The following TRAPPC9 variants were observed in gnomAD, a reference collection of about 807,000 sequenced individuals.
TRAPPC9 encodes the protein trafficking protein particle complex subunit 9.
TRAPPC9 carries 83 observed loss-of-function variants against 124.0 expected under a neutral mutation model. That is an observed-to-expected ratio of 0.67 (90% CI 0.56 to 0.80). TRAPPC9 has a LOEUF of 0.80. Among genes scored for constraint, TRAPPC9 ranks in the 30% least tolerant of loss-of-function variants. TRAPPC9 has a pLI of 0.00. For synonymous variants in TRAPPC9, 638 were observed against 617.5 expected (o/e 1.03, Z -0.49); for missense variants, 1,302 against 1,508.3 (o/e 0.86, Z 2.27).
At chr8:140,198,979 A>C (rs758682597) in intron 17 of TRAPPC9, among the ~76,000 whole-genome samples, 1 of 152,234 alleles carries the variant, frequency 6.6e-6, no homozygotes, top group Non-Finnish European at 1.5e-5. Context: ...CCAGCACAGC[A>C]GGCTGAACGC....
chr8:139,819,218 A>ATGATCTGTCACTGTCTCCC (rs1247468374), intron 21 of TRAPPC9, among the ~76,000 whole-genome samples: 36 of 152,230 alleles, frequency 2.4e-4, no homozygotes, highest in Non-Finnish European at 8.8e-5. Context: ...CTAATGCCTT[A>ATGATCTGTCACTGTCTCCC]TGATCTGTCA....
intron 17 of TRAPPC9, among the ~76,000 whole-genome samples, chr8:140,161,046 T>C (rs1587834194): frequency 6.6e-6 from 1 of 152,036 alleles, no homozygotes; most frequent in African/African-American, 2.4e-5. Flanking sequence ...CTTGGAGGAG[T>C]CAGTGACTTG....
At chr8:139,755,807 T>A (rs368223018) in intron 21 of TRAPPC9, among the ~76,000 whole-genome samples, 167 of 73,546 alleles carry the variant, frequency 2.3e-3, no homozygotes, top group Middle Eastern at 0.012. Flanking sequence ...GGAGCCAGGG[T>A]TGGGGTATAA....
chr8:139,879,206 C>A (rs1358037388), intron 21 of TRAPPC9, among the ~76,000 whole-genome samples: 1 of 152,136 alleles, frequency 6.6e-6, no homozygotes, highest in Non-Finnish European at 1.5e-5. Context: ...GTGAGGGGAG[C>A]CCAGGTCATG....
At position 139,855,019 on chromosome 8, in the gene TRAPPC9, T is replaced by G. The variant is rs59872557; in HGVS notation, c.3055+30860A>C. Among the ~76,000 whole-genome samples the G allele has an allele frequency of 3.1e-3, 476 of 152,170 alleles. 4 individuals are homozygous for G. Among genetic ancestry groups the G allele is most frequent in the African/African-American group, 0.011 (453 of 41,516 alleles). On this transcript the variant is annotated intron_variant, in intron 21 of 22. Transcript: ENST00000438773. The stretch of plus-strand genomic sequence containing the variant: ...TCGTCTTCATTCAAAGCTGGCACGG[T>G]CTCCTGAGGCAGATGCGTCAATGAT...
intron 19 of TRAPPC9, among the ~76,000 whole-genome samples, chr8:139,987,262 C>A (rs573945692): frequency 6.6e-6 from 1 of 152,296 alleles, no homozygotes; most frequent in East Asian, 1.9e-4. Flanking sequence ...AAATAAATAA[C>A]TAGGGTTGAA....
At chr8:139,793,414 T>G (rs1363507446) in intron 21 of TRAPPC9, among the ~76,000 whole-genome samples, 1 of 152,138 alleles carries the variant, frequency 6.6e-6, no homozygotes, top group Non-Finnish European at 1.5e-5. Context: ...CCCACAGGGC[T>G]CCACCCCAGC....
intron 18 of TRAPPC9, among the ~76,000 whole-genome samples, chr8:139,995,617 C>A (rs565559828): frequency 1.3e-5 from 2 of 152,162 alleles, no homozygotes; most frequent in Admixed American, 6.5e-5. Flanking sequence ...TAAGAGCCCC[C>A]AGTAATTTGG....
chr8:139,910,730 G>A (rs1415187761), intron 19 of TRAPPC9, among the ~76,000 whole-genome samples: 7 of 152,166 alleles, frequency 4.6e-5, no homozygotes, highest in African/African-American at 1.7e-4. Context: ...AGTGCTGTCT[G>A]CCTCCTCCCC....
intron 19 of TRAPPC9, among the ~76,000 whole-genome samples, chr8:139,927,564 G>A (rs1479989626): frequency 1.3e-5 from 2 of 152,054 alleles, no homozygotes; most frequent in African/African-American, 2.4e-5. Context: ...TAGTTTCTTA[G>A]TTATCCACAG....
At chr8:139,811,827 C>G (rs901185671) in intron 21 of TRAPPC9, among the ~76,000 whole-genome samples, 1 of 152,104 alleles carries the variant, frequency 6.6e-6, no homozygotes, top group African/African-American at 2.4e-5. Flanking sequence ...TTTGGACATG[C>G]AATATTTCAA....
Position 140,283,294 on chromosome 8 carries a change from CT to C in TRAPPC9, c.2114+594del, listed in dbSNP as rs376320364. ...TAATATAAAAGTTTAATTAAAATTC[CT>C]TTTTTTTTTTTTTTTTTGAGACGGA... On this transcript the variant is annotated intron_variant, in intron 14 of 22. Transcript: ENST00000438773. Among the ~76,000 whole-genome samples the C allele has an allele frequency of 7.0e-3, 685 of 97,218 alleles. 6 individuals carry two copies. In the Middle Eastern group the frequency reaches 0.085, roughly 12 times the overall value. The allele number at this position is 97,218 out of a possible 152,430, so 63.8% of individuals were successfully genotyped here.
At chr8:139,943,760 TAAAC>T (rs1009655063) in intron 19 of TRAPPC9, among the ~76,000 whole-genome samples, 1 of 152,136 alleles carries the variant, frequency 6.6e-6, no homozygotes, top group Non-Finnish European at 1.5e-5. Flanking sequence ...GTATCTTTAA[TAAAC>T]AATGCATTGG....
At chr8:139,880,816 T>C (rs1270456042) in intron 21 of TRAPPC9, among the ~76,000 whole-genome samples, 1 of 152,004 alleles carries the variant, frequency 6.6e-6, no homozygotes, top group Non-Finnish European at 1.5e-5. Context: ...AACAGGAAAA[T>C]ATCATGCCCC....
chr8:140,036,953 T>C (rs1330657415), intron 17 of TRAPPC9, among the ~76,000 whole-genome samples: 1 of 152,130 alleles, frequency 6.6e-6, no homozygotes, highest in Non-Finnish European at 1.5e-5. Flanking sequence ...CCCATTAACC[T>C]GTCACCTACG....
chr8:139,763,695 AT>A (rs1820392528), intron 21 of TRAPPC9, among the ~76,000 whole-genome samples: 1 of 152,240 alleles, frequency 6.6e-6, no homozygotes, highest in South Asian at 2.1e-4. Context: ...CACGTCGATC[AT>A]TCAGGTGCTG....
chr8:140,258,529 C>T (rs780634850), intron 15 of TRAPPC9, among the ~76,000 whole-genome samples: 4 of 152,146 alleles, frequency 2.6e-5, no homozygotes, highest in Admixed American at 1.3e-4. Flanking sequence ...AAATTCAAAC[C>T]GCCTGCTAGA....
At chr8:139,783,536 C>T (rs1271376091) in intron 21 of TRAPPC9, among the ~76,000 whole-genome samples, 1 of 152,150 alleles carries the variant, frequency 6.6e-6, no homozygotes, top group African/African-American at 2.4e-5. Flanking sequence ...AATTCATAGT[C>T]AACATCCACA....
At chr8:139,759,117 GA>G (rs1188248878) in intron 21 of TRAPPC9, among the ~76,000 whole-genome samples, 8 of 152,212 alleles carry the variant, frequency 5.3e-5, no homozygotes, top group Non-Finnish European at 1.0e-4. Flanking sequence ...CTCTGAGTTA[GA>G]AGCTATGACT....
Sources: allele counts gnomAD v4.1 joint callset (sites outside exome capture counted in the v4.1 genomes callset), GRCh38; gene constraint gnomAD v4.1.1; transcripts MANE v1.5; gene names NCBI Gene and HGNC (gene_info 2026-07-23, HGNC 2026-07-21).